Variants in CSMD1 observed in about 807,000 individuals in gnomAD.
The protein encoded by CSMD1 is CUB and sushi domain-containing protein 1.
A neutral mutation model predicts 417.5 loss-of-function variants in CSMD1; 213 were observed. The ratio of observed to expected loss-of-function variants is 0.51; its 90% CI spans 0.46 to 0.57. The LOEUF is 0.57. CSMD1 is among the 20% of genes least tolerant of loss of function. The probability of loss-of-function intolerance (pLI) is 0.00; values close to 1 mark genes in which losing one functional copy is unlikely to be tolerated. For missense variants in CSMD1, 6,923 were observed against 4,529.7 expected (o/e 1.53, Z -15.17); for synonymous variants, 2,862 against 1,736.8 (o/e 1.65, Z -16.11).
intron 5 of CSMD1, among the ~76,000 whole-genome samples, chr8:3,963,812 T>G (rs902343307): frequency 6.6e-6 from 1 of 152,122 alleles, no homozygotes; most frequent in Non-Finnish European, 1.5e-5. Flanking sequence ...TATTTTGAAA[T>G]AAAATCAACA....
intron 49 of CSMD1, among the ~76,000 whole-genome samples, chr8:3,058,682 C>T (rs994277007): frequency 2.6e-5 from 4 of 151,930 alleles, no homozygotes; most frequent in Non-Finnish European, 5.9e-5. Context: ...TGAAGTACAT[C>T]TGGGGGAGGG....
At chr8:3,953,858 G>A (rs1015795742) in intron 5 of CSMD1, among the ~76,000 whole-genome samples, 1 of 152,304 alleles carries the variant, frequency 6.6e-6, no homozygotes, top group Admixed American at 6.5e-5. Context: ...AATGTTCTGG[G>A]TGGTCTCCTG....
intron 10 of CSMD1, among the ~76,000 whole-genome samples, chr8:3,541,114 G>C (rs111781507): frequency 6.6e-6 from 1 of 152,132 alleles, no homozygotes. Context: ...CAACAGCAAA[G>C]ACATGGAATC....
intron 3 of CSMD1, among the ~76,000 whole-genome samples, chr8:4,372,931 A>G (rs1802484495): frequency 6.6e-6 from 1 of 152,230 alleles, no homozygotes; most frequent in African/African-American, 2.4e-5. Context: ...TGAGTAGCAC[A>G]TAGTGATTTG....
intron 5 of CSMD1, among the ~76,000 whole-genome samples, chr8:3,885,923 A>G (rs541508189): frequency 6.6e-6 from 1 of 152,322 alleles, no homozygotes; most frequent in East Asian, 1.9e-4. Context: ...GTGAATAAAT[A>G]TAAATTGTTA....
chr8:3,454,628 T>G (rs375559011), intron 12 of CSMD1, among the ~76,000 whole-genome samples: 1 of 152,226 alleles, frequency 6.6e-6, no homozygotes, highest in African/African-American at 2.4e-5. Flanking sequence ...TTTAGGAATG[T>G]TGAATATTGG....
intron 3 of CSMD1, among the ~76,000 whole-genome samples, chr8:4,055,113 G>C (rs758971734): frequency 6.6e-6 from 1 of 152,114 alleles, no homozygotes. Flanking sequence ...TTTGAGCTTT[G>C]TGTAGTAGAT....
chr8:3,860,988 G>C (rs1417144872), intron 5 of CSMD1, among the ~76,000 whole-genome samples: 1 of 152,158 alleles, frequency 6.6e-6, no homozygotes, highest in Non-Finnish European at 1.5e-5. Context: ...GAAAGACAAA[G>C]CATGGAAAGT....
At position 4,816,878 on chromosome 8, in the gene CSMD1, C is replaced by G. The variant is rs545501355; in HGVS notation, c.85+177454G>C. On this transcript the variant is annotated intron_variant, in intron 1 of 69. Coordinates refer to ENST00000635120, the MANE Select transcript of CSMD1 (RefSeq NM_033225.6). ...GCAAGTCATATGGGGGTCTCAGAAA[C>G]AGTCACATGCCCTCTGAGGTTTGGA... is the stretch of plus-strand genomic sequence containing the variant. 1.2e-4 allele frequency among the ~76,000 whole-genome samples: 19 copies of G among 152,210 alleles called. No homozygotes were observed. In the South Asian group the frequency reaches 3.3e-3, roughly 27 times the overall value.
At chr8:4,805,076 C>T (rs1339276784) in intron 1 of CSMD1, among the ~76,000 whole-genome samples, 3 of 152,066 alleles carry the variant, frequency 2.0e-5, no homozygotes, top group Admixed American at 6.5e-5. Context: ...GTTTCAAGTA[C>T]CCAAGTATCC....
intron 1 of CSMD1, among the ~76,000 whole-genome samples, chr8:4,796,640 G>A (rs1418439244): frequency 6.6e-6 from 1 of 152,086 alleles, no homozygotes; most frequent in East Asian, 1.9e-4. Context: ...ATACCCATGG[G>A]GAAAAACACT....
At chr8:4,308,030 C>G (rs371042337) in intron 3 of CSMD1, among the ~76,000 whole-genome samples, 3 of 152,300 alleles carry the variant, frequency 2.0e-5, no homozygotes, top group African/African-American at 7.2e-5. Context: ...TACTACAGAG[C>G]AACGCCAGAC....
intron 5 of CSMD1, among the ~76,000 whole-genome samples, chr8:3,776,037 G>A (rs13439130): frequency 6.6e-5 from 10 of 152,244 alleles, no homozygotes; most frequent in Admixed American, 4.6e-4. Flanking sequence ...TATTCCATGT[G>A]CTGGAGCCAC....
intron 5 of CSMD1, among the ~76,000 whole-genome samples, chr8:3,984,108 C>CAGT (rs146513816): frequency 6.7e-6 from 1 of 150,200 alleles, no homozygotes; most frequent in African/African-American, 2.4e-5. Flanking sequence ...TCAATAGCAA[C>CAGT]TCTAGAGCAC....
At chr8:4,698,568 A>T (rs936699587) in intron 1 of CSMD1, among the ~76,000 whole-genome samples, 7 of 150,954 alleles carry the variant, frequency 4.6e-5, no homozygotes, top group Non-Finnish European at 8.8e-5. Flanking sequence ...ATTTAAAGAT[A>T]ACTGTTTTTA....
chr8:3,758,662 G>C (rs959855416), intron 5 of CSMD1, among the ~76,000 whole-genome samples: 3 of 152,204 alleles, frequency 2.0e-5, no homozygotes, highest in Non-Finnish European at 4.4e-5. Context: ...TGTTTCAGTT[G>C]AGATTTAGAA....
intron 4 of CSMD1, among the ~76,000 whole-genome samples, chr8:4,004,483 T>C (rs189420538): frequency 5.3e-5 from 8 of 152,146 alleles, no homozygotes; most frequent in Admixed American, 2.6e-4. Context: ...ATTTATCTAT[T>C]ATATATCTGG....
At chr8:4,215,628 A>T (rs543260678) in intron 3 of CSMD1, among the ~76,000 whole-genome samples, 1 of 152,316 alleles carries the variant, frequency 6.6e-6, no homozygotes, top group East Asian at 1.9e-4. Context: ...TTGAACATAA[A>T]TTTGGATCAT....
intron 5 of CSMD1, among the ~76,000 whole-genome samples, chr8:3,987,695 A>C (rs796633534): frequency 4.6e-5 from 7 of 152,202 alleles, no homozygotes; most frequent in African/African-American, 9.7e-5. Context: ...TGAAAACAGG[A>C]AACTGCAAGG....
Sources: gnomAD v4.1 joint callset for allele counts (sites outside exome capture counted in the v4.1 genomes callset) on GRCh38, gnomAD v4.1.1 for gene constraint, MANE v1.5 for transcripts, NCBI Gene and HGNC (gene_info 2026-07-23, HGNC 2026-07-21) for gene names.